Variants in KAT6A observed in about 807,000 individuals in gnomAD.
The protein encoded by KAT6A is lysine acetyltransferase 6A.
KAT6A carries 9 observed loss-of-function variants against 198.4 expected under a neutral mutation model. That is an observed-to-expected ratio of 0.05 (90% CI 0.03 to 0.08). The LOEUF (loss-of-function observed/expected upper bound fraction) is 0.08. Ranked by LOEUF, KAT6A falls within the 10% of genes least tolerant of loss-of-function variation. KAT6A has a pLI of 1.00. For missense variants in KAT6A, 2,077 were observed against 2,509.9 expected (o/e 0.83, Z 3.69); for synonymous variants, 890 against 883.0 (o/e 1.01, Z -0.14).
intron 2 of KAT6A, among the ~76,000 whole-genome samples, chr8:41,995,303 CTAAG>C (rs1285810742): frequency 7.2e-5 from 11 of 152,098 alleles, no homozygotes; most frequent in African/African-American, 2.2e-4. Context: ...ATGGCCATAA[CTAAG>C]TAAGATTTCT....
intron 12 of KAT6A, among the ~76,000 whole-genome samples, chr8:41,945,851 A>G (rs1011955152): frequency 2.0e-5 from 3 of 151,702 alleles, no homozygotes; most frequent in African/African-American, 7.3e-5. Flanking sequence ...ACACGGTAAA[A>G]CCCCGTCTCT....
At chr8:41,991,991 T>TA (rs1394687534) in intron 2 of KAT6A, among the ~76,000 whole-genome samples, 1 of 152,030 alleles carries the variant, frequency 6.6e-6, no homozygotes, top group East Asian at 1.9e-4. Context: ...TTTGGAAAGA[T>TA]AAAGTATCTA....
chr8:41,933,570 G>A lies in KAT6A; in HGVS notation c.4650C>T (p.Phe1550=). The A allele has an allele frequency of 1.2e-6, 2 of 1,614,164 alleles. No homozygotes were observed. Among genetic ancestry groups the A allele is most frequent in the Non-Finnish European group, 1.7e-6 (2 of 1,180,038 alleles). The change falls in exon 17 of 17, where the codon TTC becomes TTT. Residue 1550 remains phenylalanine, a synonymous_variant. Coordinates refer to ENST00000265713, the MANE Select transcript of KAT6A (RefSeq NM_006766.5). This position sits in a 1 kb window ranked among gnomAD's most constrained non-coding sequence, Gnocchi z 6.2. ...TGCTCTCAATGCTGCCCAGGTCACT[G>A]AAGCCGCTGTCCACCACCTGCTGAG... The part of the protein sequence containing the change: ...DHSQQVVDSG[F]SDLGSIESTT...
chr8:42,003,837 T>G (rs1403131689), intron 2 of KAT6A, among the ~76,000 whole-genome samples: 1 of 151,926 alleles, frequency 6.6e-6, no homozygotes, highest in Non-Finnish European at 1.5e-5. Flanking sequence ...AAATCAGGAG[T>G]GTACTCGCAG....
In KAT6A at chr8:41,941,471, G is replaced by C. The variant is rs1157230805; in HGVS notation, c.2437-27C>G. Reference sequence around the variant, plus strand: ...TGATTTTAGAAAATAAAACAATGCTGGTTAATTTTTCAGTCTTGTTTGCTT... The same window carrying C: ...TGATTTTAGAAAATAAAACAATGCTCGTTAATTTTTCAGTCTTGTTTGCTT... On this transcript the variant is annotated intron_variant, in intron 14 of 16. Coordinates refer to ENST00000265713, the MANE Select transcript of KAT6A (RefSeq NM_006766.5). The C allele has an allele frequency of 1.9e-6, 3 of 1,552,216 alleles. No homozygotes were observed. The African/African-American group carries it at 4.1e-5, about 21-fold the overall frequency.
At position 41,930,117 on chromosome 8, in the gene KAT6A, T is replaced by A. The variant is rs183367970; in HGVS notation, c.*2088A>T. 4.3e-6 allele frequency: 1 copy of A among 231,942 alleles called. No individual in the cohort carries two copies. The highest frequency in any genetic ancestry group is 2.2e-5 in the African/African-American group (1 of 45,220). The allele number at this position is 231,942 out of a possible 1,614,324, so 14.4% of individuals were successfully genotyped here. A position where few individuals can be genotyped will look rare whatever the true frequency, so the allele number is the denominator to read the frequency against. ...GCTTGTGGAAAAGGGAGCTGCCCGA[T>A]TGAATTTTTTATAAAGAAACAAACA... On this transcript the variant is annotated 3_prime_UTR_variant, in exon 17 of 17. Transcript: ENST00000265713.
chr8:41,946,916 C>A (rs1822424446), intron 11 of KAT6A, among the ~76,000 whole-genome samples: 1 of 152,140 alleles, frequency 6.6e-6, no homozygotes, highest in African/African-American at 2.4e-5. Context: ...CAAAACAATG[C>A]CATCCAACAC....
intron 11 of KAT6A, 37 bp downstream of exon 11, chr8:41,947,714 A>G (rs768374890): frequency 8.5e-6 from 13 of 1,536,694 alleles, no homozygotes; most frequent in Admixed American, 2.1e-5. Flanking sequence ...TCAGATTTCT[A>G]TATGAGTTCA....
At chr8:42,028,578 A>G (rs1179918175) in intron 2 of KAT6A, among the ~76,000 whole-genome samples, 3 of 152,278 alleles carry the variant, frequency 2.0e-5, no homozygotes, top group Non-Finnish European at 4.4e-5. Flanking sequence ...TTCCATTTGC[A>G]TAAAATATCT....
At chr8:42,048,285 A>G (rs1802416185) in intron 2 of KAT6A, 93 bp downstream of exon 2, 2 of 1,433,522 alleles carry the variant, frequency 1.4e-6, no homozygotes, top group East Asian at 4.6e-5. Flanking sequence ...GAAGTCCCCA[A>G]ACAAAAAACT....
chr8:42,047,759 T>C (rs1005171159), intron 2 of KAT6A, among the ~76,000 whole-genome samples: 5 of 152,140 alleles, frequency 3.3e-5, no homozygotes, highest in Non-Finnish European at 7.3e-5. Context: ...CCCATGCAAC[T>C]ACAGCTGTCA....
chr8:41,952,582 A>G (rs989492486), intron 9 of KAT6A, among the ~76,000 whole-genome samples: 3 of 152,244 alleles, frequency 2.0e-5, no homozygotes, highest in Non-Finnish European at 4.4e-5. Flanking sequence ...TCCGTAAAGT[A>G]TAATCCCACT....
At chr8:42,035,796 A>C (rs1827346671) in intron 2 of KAT6A, among the ~76,000 whole-genome samples, 1 of 152,248 alleles carries the variant, frequency 6.6e-6, no homozygotes. Flanking sequence ...AAGTTTAAAA[A>C]TGAATGGAAA....
intron 8 of KAT6A, chr8:41,958,069 C>T (rs930642314): frequency 1.3e-5 from 2 of 152,154 alleles, no homozygotes; most frequent in East Asian, 1.9e-4. Context: ...CAGTGTGAGG[C>T]TGGGAATGTG....
intron 8 of KAT6A, among the ~76,000 whole-genome samples, chr8:41,970,492 T>G (rs930276431): frequency 2.0e-5 from 3 of 152,168 alleles, no homozygotes; most frequent in Non-Finnish European, 4.4e-5. Flanking sequence ...GCCCCATTTC[T>G]CCCAGAAGAA....
chr8:42,040,219 T>C (rs1827585013), intron 2 of KAT6A, among the ~76,000 whole-genome samples: 1 of 151,982 alleles, frequency 6.6e-6, no homozygotes, highest in Non-Finnish European at 1.5e-5. Context: ...TAGCTATTAA[T>C]AGGTTTCTAT....
chr8:42,031,598 A>AATATTGAAG (rs1040079608), intron 2 of KAT6A, among the ~76,000 whole-genome samples: 4 of 151,356 alleles, frequency 2.6e-5, no homozygotes, highest in African/African-American at 9.7e-5. Context: ...CTATGAAATA[A>AATATTGAAG]ATATTGAAGG....
chr8:42,000,297 T>C (rs1296227280), intron 2 of KAT6A, among the ~76,000 whole-genome samples: 2 of 152,208 alleles, frequency 1.3e-5, no homozygotes. Flanking sequence ...ACGCCTGTAA[T>C]CCCAGCACTT....
intron 4 of KAT6A, among the ~76,000 whole-genome samples, chr8:41,981,302 A>T (rs1824346123): frequency 6.6e-6 from 1 of 152,222 alleles, no homozygotes; most frequent in South Asian, 2.1e-4. Context: ...TGGGCGACAG[A>T]GTGAGACTCC....
Sources: gnomAD v4.1 joint callset for allele counts (sites outside exome capture counted in the v4.1 genomes callset) on GRCh38, gnomAD v4.1.1 for gene constraint, Gnocchi (gnomAD v3.1) non-coding constraint, MANE v1.5 for transcripts, NCBI Gene and HGNC (gene_info 2026-07-23, HGNC 2026-07-21) for gene names.